CLDND1: variants seen among roughly 807,000 people sequenced by gnomAD.
CLDND1 encodes the protein claudin domain-containing protein 1.
A neutral mutation model predicts 26.3 loss-of-function variants in CLDND1; 13 were observed. That is an observed-to-expected ratio of 0.49 (90% confidence interval 0.32 to 0.78). CLDND1 has a LOEUF of 0.78. Among genes scored for constraint, CLDND1 ranks in the 30% least tolerant of loss-of-function variants. CLDND1 has a pLI of 0.03. For synonymous variants in CLDND1, 107 were observed against 107.0 expected, an observed-to-expected ratio of 1.00 and a Z score of 0.00; for missense variants, 289 against 312.8, an observed-to-expected ratio of 0.92 and a Z score of 0.57.
chr3:98,522,887 C>T lies in CLDND1; in HGVS notation c.-57G>A, dbSNP rs1258183890. On this transcript the variant is annotated 5_prime_UTR_variant, in exon 1 of 5. Transcript: ENST00000341181. ...GCTCCGCCAGCTTCACCCTCTAGCT[C>T]AGACCACAGCACCCTACTCTCCCCG... 1 of 1,613,412 alleles carries T rather than the reference C, an allele frequency of 6.2e-7. No homozygotes were observed. Among genetic ancestry groups the T allele is most frequent in the African/African-American group, 1.3e-5 (1 of 74,838 alleles).
rs559280027 is a variant in CLDND1, at chr3:98,522,540, A to G, written c.-19+309T>C. The G allele has an allele frequency of 3.1e-6, 4 of 1,295,668 alleles. No individual in the cohort carries two copies. The African/African-American group carries it at 4.7e-5, about 15-fold the overall frequency. The allele number at this position is 1,295,668 out of a possible 1,614,324, so 80.3% of individuals were successfully genotyped here. A position where few individuals can be genotyped will look rare whatever the true frequency, so the allele number is the denominator to read the frequency against. The stretch of plus-strand genomic sequence containing the variant: ...CCCTTCATCCTGGTGCTCTCAAATG[A>G]CCTTAAAGGGTCCCAGCACTGGGAA... On this transcript the variant is annotated intron_variant, in intron 1 of 4. Transcript: ENST00000341181.
At chr3:98,521,610 C>G (rs763283566) in intron 1 of CLDND1, 168 bp from the exon 2 acceptor site, 1 of 1,571,268 alleles carries the variant, frequency 6.4e-7, no homozygotes, top group South Asian at 1.1e-5. Flanking sequence ...AAGCTTAAAA[C>G]AAAACTCATT....
rs1286698294 is a variant in CLDND1 at position 98,515,808 on chromosome 3, G to A, written c.*851C>T. 1 of 1,289,722 alleles carries A rather than the reference G, an allele frequency of 7.8e-7. No individual in the cohort carries two copies. The highest frequency in any genetic ancestry group is 2.3e-5 in the Admixed American group (1 of 43,574). The allele number at this position is 1,289,722 out of a possible 1,614,324, so 79.9% of individuals were successfully genotyped here. ...TTCCCAGCTCTGGAGGGTCATTATG[G>A]TGAAACGTTCTTTATAGTACTGGGC... On this transcript the variant is annotated 3_prime_UTR_variant, in exon 5 of 5. Coordinates refer to ENST00000341181, the MANE Select transcript of CLDND1 (RefSeq NM_001040181.2).
intron 3 of CLDND1, chr3:98,518,679 G>A (rs760486872): frequency 3.7e-6 from 2 of 543,094 alleles, no homozygotes; most frequent in Non-Finnish European, 6.5e-6. Flanking sequence ...AGTTGGCCCT[G>A]TCAACTTCAA....
chr3:98,521,099 G>T (rs779083993), intron 2 of CLDND1, 34 bp downstream of exon 2: 1 of 1,569,598 alleles, frequency 6.4e-7, no homozygotes, highest in South Asian at 1.2e-5. Context: ...TATTAACCAG[G>T]TGAAGAAGAC....
intron 3 of CLDND1, 135 bp downstream of exon 3, chr3:98,518,750 C>G (rs779189175): frequency 1.6e-6 from 1 of 624,438 alleles, no homozygotes; most frequent in Non-Finnish European, 2.9e-6. Context: ...ATAGAGTTCA[C>G]TGGATACTGT....
At chr3:98,520,174 C>T (rs901312025) in intron 2 of CLDND1, among the ~76,000 whole-genome samples, 13 of 152,294 alleles carry the variant, frequency 8.5e-5, no homozygotes, top group Non-Finnish European at 1.8e-4. Flanking sequence ...AACATGGAGA[C>T]ATGCAATAAA....
intron 2 of CLDND1, among the ~76,000 whole-genome samples, chr3:98,520,216 A>C (rs1489438839): frequency 1.3e-5 from 2 of 152,184 alleles, no homozygotes; most frequent in African/African-American, 4.8e-5. Flanking sequence ...AAATGGTAAC[A>C]CTCCAATTCC....
chr3:98,516,695 T>A lies in CLDND1; in HGVS notation c.726A>T (p.Lys242Asn), dbSNP rs1576266010. Residue 242 changes from lysine to asparagine, a missense_variant, in exon 5 of 5, where the codon AAA (lysine) becomes AAT (asparagine). By Grantham distance (94) the Lys-to-Asn change is moderately conservative (BLOSUM62 0). Transcript: ENST00000341181. ...LFIWAAHTNRKEYTLMKAYRV... is the reference protein window; with the variant it reads ...LFIWAAHTNRNEYTLMKAYRV... Reference sequence around the variant, plus strand: ...GATATGCCTTCATTAAGGTGTACTCTTTCCGGTTGGTGTGAGCAGCCCAGA... The same window carrying A: ...GATATGCCTTCATTAAGGTGTACTCATTCCGGTTGGTGTGAGCAGCCCAGA... 3 of 1,614,220 alleles carry A rather than the reference T, an allele frequency of 1.9e-6. No homozygotes were observed. The highest frequency in any genetic ancestry group is 2.5e-6 in the Non-Finnish European group (3 of 1,180,026).
intron 3 of CLDND1, among the ~76,000 whole-genome samples, chr3:98,518,479 C>T (rs1007384782): frequency 1.3e-5 from 2 of 152,148 alleles, no homozygotes; most frequent in African/African-American, 4.8e-5. Flanking sequence ...TTTTGACAGG[C>T]CTGACAACTC....
chr3:98,522,609 G>A, intron 1 of CLDND1: 4 of 1,388,044 alleles, frequency 2.9e-6, no homozygotes, highest in South Asian at 1.6e-5. Context: ...CCACCTCCTG[G>A]GCCTCACGGC....
intron 1 of CLDND1, 60 bp downstream of exon 1, chr3:98,522,789 G>T: frequency 3.1e-6 from 5 of 1,613,034 alleles, no homozygotes; most frequent in East Asian, 4.5e-5. Flanking sequence ...TCTTCAAACC[G>T]CCGGGAACAT....
rs141266879 is a variant in CLDND1, at chr3:98,519,144, A to G, written c.293-149T>C. The G allele has an allele frequency of 4.4e-4, 252 of 576,180 alleles. 2 individuals are homozygous for G. In the East Asian group the frequency reaches 7.2e-3, roughly 17 times the overall value. The allele number at this position is 576,180 out of a possible 1,614,324, so 35.7% of individuals were successfully genotyped here. A position where few individuals can be genotyped will look rare whatever the true frequency, so the allele number is the denominator to read the frequency against. ...CCTGACTGACACACAGGTTTCATAG[A>G]TGTCCAATGGATGCCACTGGTTCTC... On this transcript the variant is annotated intron_variant, in intron 2 of 4. Coordinates refer to ENST00000341181, the MANE Select transcript of CLDND1 (RefSeq NM_001040181.2).
chr3:98,517,074 C>T lies in CLDND1; in HGVS notation c.519G>A (p.Thr173=), dbSNP rs370745310. The change falls in exon 4 of 5, where the codon ACG becomes ACA. Residue 173 remains threonine, a synonymous_variant. Coordinates refer to ENST00000341181, the MANE Select transcript of CLDND1 (RefSeq NM_001040181.2). ...ICRSLYPTIA[T]GILHLLAGLC... ...TACCTGCAAGGAGATGGAGAATGCC[C>T]GTGGCAATGGTGGGATATAAGCTTC... 1.2e-6 allele frequency: 2 copies of T among 1,613,902 alleles called. No homozygotes were observed. Among genetic ancestry groups the T allele is most frequent in the Non-Finnish European group, 1.7e-6 (2 of 1,180,014 alleles).
intron 2 of CLDND1, chr3:98,520,918 A>G: frequency 4.4e-6 from 2 of 457,952 alleles, no homozygotes; most frequent in African/African-American, 2.0e-5. Flanking sequence ...CTTTCCCAAG[A>G]TAAGAAAAGT....
At chr3:98,521,923 C>A in intron 1 of CLDND1, 1 of 535,270 alleles carries the variant, frequency 1.9e-6, no homozygotes, top group East Asian at 3.0e-5. Context: ...GGGAAGCCTC[C>A]TAAAACAAAG....
chr3:98,522,626 G>C (rs907527264), intron 1 of CLDND1: 4 of 1,389,688 alleles, frequency 2.9e-6, no homozygotes, highest in African/African-American at 1.5e-5. Context: ...CGGCGGGGCC[G>C]GAGAAGGCCA....
At chr3:98,522,648 G>T in intron 1 of CLDND1, 1 of 1,415,140 alleles carries the variant, frequency 7.1e-7, no homozygotes, top group Non-Finnish European at 9.2e-7. Flanking sequence ...GGCTGGGGCG[G>T]GGCAGCCGTG....
chr3:98,522,665 C>A (rs1050229922), intron 1 of CLDND1, 184 bp downstream of exon 1: 2 of 1,429,740 alleles, frequency 1.4e-6, no homozygotes, highest in Non-Finnish European at 1.8e-6. Flanking sequence ...CGTGCTCGGC[C>A]CCGGGCCAGG....
Sources: allele counts gnomAD v4.1 joint callset (sites outside exome capture counted in the v4.1 genomes callset), GRCh38; gene constraint gnomAD v4.1.1; transcripts MANE v1.5; gene names NCBI Gene and HGNC (gene_info 2026-07-23, HGNC 2026-07-21).